SLC7A11: variants seen among roughly 807,000 people sequenced by gnomAD.
SLC7A11 encodes cystine/glutamate transporter.
A neutral mutation model predicts 54.5 loss-of-function variants in SLC7A11; 35 were observed. The observed-to-expected ratio is 0.64, with a 90% CI of 0.49 to 0.85. The LOEUF is 0.85. Among genes scored for constraint, SLC7A11 ranks in the 40% least tolerant of loss-of-function variants. The pLI, the probability that SLC7A11 is intolerant of heterozygous loss-of-function variation, is 0.00. For missense variants in SLC7A11, 583 were observed against 618.1 expected, an observed-to-expected ratio of 0.94 and a Z score of 0.60; for synonymous variants, 230 against 225.2, an observed-to-expected ratio of 1.02 and a Z score of -0.19.
At chr4:138,197,503 C>A (rs4295318) in intron 6 of SLC7A11, among the ~76,000 whole-genome samples, 1 of 151,710 alleles carries the variant, frequency 6.6e-6, no homozygotes, top group Non-Finnish European at 1.5e-5. Flanking sequence ...GTTAATAAAC[C>A]ATAGTACACA....
chr4:138,195,119 G>A (rs1459291017), intron 6 of SLC7A11, among the ~76,000 whole-genome samples: 1 of 152,132 alleles, frequency 6.6e-6, no homozygotes, highest in Non-Finnish European at 1.5e-5. Context: ...TGTCAGCCTG[G>A]CTGAAAAATA....
intron 6 of SLC7A11, among the ~76,000 whole-genome samples, chr4:138,191,138 T>A (rs1172139676): frequency 6.6e-6 from 1 of 152,136 alleles, no homozygotes; most frequent in Non-Finnish European, 1.5e-5. Flanking sequence ...GAACATTTTT[T>A]AAAGGTCTGT....
chr4:138,213,389 G>A (rs1737598671), intron 6 of SLC7A11, among the ~76,000 whole-genome samples: 1 of 151,970 alleles, frequency 6.6e-6, no homozygotes, highest in Non-Finnish European at 1.5e-5. Flanking sequence ...GATACCAGGT[G>A]CCAGAATTTC....
At chr4:138,217,474 C>G (rs1737706491) in intron 5 of SLC7A11, among the ~76,000 whole-genome samples, 1 of 152,124 alleles carries the variant, frequency 6.6e-6, no homozygotes, top group African/African-American at 2.4e-5. Context: ...AGAAATTCAT[C>G]AGCCCTCAAA....
chr4:138,168,709 G>A lies in SLC7A11; in HGVS notation c.*3247C>T, dbSNP rs958931592. On this transcript the variant is annotated 3_prime_UTR_variant, in exon 12 of 12. Coordinates refer to ENST00000280612, the MANE Select transcript of SLC7A11 (RefSeq NM_014331.4). ...ACCTAATAAGCTGTCCAAATTTTGT[G>A]TCCACAGGGCTGAGGAGCTACAGTC... 1 of 152,102 alleles carries A rather than the reference G, an allele frequency of 6.6e-6. No homozygotes were observed. The highest frequency in any genetic ancestry group is 2.4e-5 in the African/African-American group (1 of 41,416). The allele number at this position is 152,102 out of a possible 1,614,324, so 9.4% of individuals were successfully genotyped here. A position where few individuals can be genotyped will look rare whatever the true frequency, so the allele number is the denominator to read the frequency against.
intron 4 of SLC7A11, among the ~76,000 whole-genome samples, chr4:138,220,792 A>G (rs1162796544): frequency 6.6e-6 from 1 of 152,230 alleles, no homozygotes; most frequent in African/African-American, 2.4e-5. Flanking sequence ...GATGATGTGT[A>G]TGAGACACTC....
chr4:138,213,965 C>T (rs1737619249), intron 6 of SLC7A11, among the ~76,000 whole-genome samples: 1 of 152,134 alleles, frequency 6.6e-6, no homozygotes, highest in South Asian at 2.1e-4. Context: ...TGTTTATGAA[C>T]AAATTATAAG....
intron 4 of SLC7A11, among the ~76,000 whole-genome samples, chr4:138,222,144 A>T (rs1435002689): frequency 2.0e-5 from 3 of 152,224 alleles, no homozygotes; most frequent in Non-Finnish European, 2.9e-5. Context: ...TGGATTTCAT[A>T]AAAGCATTTC....
At chr4:138,232,838 A>G (rs1023451600) in intron 2 of SLC7A11, among the ~76,000 whole-genome samples, 3 of 152,196 alleles carry the variant, frequency 2.0e-5, no homozygotes, top group African/African-American at 7.2e-5. Context: ...AATTAGTATT[A>G]AGTGTTCCCT....
intron 4 of SLC7A11, among the ~76,000 whole-genome samples, chr4:138,219,800 A>C (rs1737765617): frequency 6.6e-6 from 1 of 152,174 alleles, no homozygotes; most frequent in African/African-American, 2.4e-5. Flanking sequence ...GGAGATGGAA[A>C]TAAATCCCAG....
intron 11 of SLC7A11, chr4:138,174,869 G>C (rs992776371): frequency 9.9e-5 from 15 of 152,146 alleles, no homozygotes; most frequent in African/African-American, 3.4e-4. Context: ...GAAATAATTT[G>C]AAACAACAAC....
At chr4:138,224,019 G>A (rs953625236) in intron 3 of SLC7A11, among the ~76,000 whole-genome samples, 1 of 152,166 alleles carries the variant, frequency 6.6e-6, no homozygotes, top group East Asian at 1.9e-4. Context: ...TACTGATGCT[G>A]TCTACAATTT....
At chr4:138,235,697 G>A (rs1016214665) in intron 2 of SLC7A11, among the ~76,000 whole-genome samples, 4 of 151,786 alleles carry the variant, frequency 2.6e-5, no homozygotes, top group Non-Finnish European at 5.9e-5. Context: ...TATTCAGAGT[G>A]ACTTAGCACT....
intron 11 of SLC7A11, among the ~76,000 whole-genome samples, chr4:138,172,834 CCT>C (rs1333410642): frequency 6.6e-6 from 1 of 151,988 alleles, no homozygotes; most frequent in African/African-American, 2.4e-5. Context: ...TTCTTGTTTG[CCT>C]CTTTTTTTGT....
At chr4:138,180,430 A>T (rs2148411809) in intron 10 of SLC7A11, among the ~76,000 whole-genome samples, 1 of 152,232 alleles carries the variant, frequency 6.6e-6, no homozygotes, top group South Asian at 2.1e-4. Context: ...TGACATACAA[A>T]GTTCAAGCCC....
At chr4:138,240,673 G>A (rs1738355114) in intron 1 of SLC7A11, among the ~76,000 whole-genome samples, 1 of 152,118 alleles carries the variant, frequency 6.6e-6, no homozygotes, top group African/African-American at 2.4e-5. Flanking sequence ...GTACACATGG[G>A]AACAGGAGTT....
chr4:138,229,280 TA>T (rs1738018759), intron 3 of SLC7A11, among the ~76,000 whole-genome samples: 1 of 152,190 alleles, frequency 6.6e-6, no homozygotes, highest in African/African-American at 2.4e-5. Context: ...TGCCCCTAGA[TA>T]AATTTCTCCT....
intron 4 of SLC7A11, among the ~76,000 whole-genome samples, chr4:138,221,016 C>T (rs778158204): frequency 6.6e-6 from 1 of 152,114 alleles, no homozygotes; most frequent in Non-Finnish European, 1.5e-5. Flanking sequence ...TCATTGTGTC[C>T]TTCCAGGAGA....
In SLC7A11 at chr4:138,168,529, G is replaced by A. The variant is rs1039823809; in HGVS notation, c.*3427C>T. 1 of 152,110 alleles carries A rather than the reference G, an allele frequency of 6.6e-6. No individual in the cohort carries two copies. The highest frequency in any genetic ancestry group is 1.5e-5 in the Non-Finnish European group (1 of 68,014). The allele number at this position is 152,110 out of a possible 1,614,324, so 9.4% of individuals were successfully genotyped here. A position where few individuals can be genotyped will look rare whatever the true frequency, so the allele number is the denominator to read the frequency against. ...CTGTAGACTGATTACAGTTCATGAG[G>A]AATTCTGTTATGTAATTATACTCTT... On this transcript the variant is annotated 3_prime_UTR_variant, in exon 12 of 12. Transcript: ENST00000280612.
Sources: gnomAD v4.1 joint callset for allele counts (sites outside exome capture counted in the v4.1 genomes callset) on GRCh38, gnomAD v4.1.1 for gene constraint, MANE v1.5 for transcripts, NCBI Gene and HGNC (gene_info 2026-07-23, HGNC 2026-07-21) for gene names.